Variants in LCN8 observed in about 807,000 individuals in gnomAD.
LCN8 encodes lipocalin 8.
LCN8 carries 16 observed loss-of-function variants against 22.8 expected under a neutral mutation model. The ratio of observed to expected loss-of-function variants is 0.70; its 90% CI spans 0.47 to 1.06. The LOEUF (loss-of-function observed/expected upper bound fraction) is 1.06, where lower values mean the gene tolerates loss of function less well. Ranked by LOEUF, LCN8 falls within the 50% of genes least tolerant of loss-of-function variation. LCN8 has a pLI of 0.00. For missense variants in LCN8, 189 were observed against 203.3 expected (o/e 0.93, Z 0.43); for synonymous variants, 92 against 83.4 (o/e 1.10, Z -0.56).
Position 136,758,099 on chromosome 9 carries a change from G to A in LCN8, c.-169C>T, listed in dbSNP as rs1777505554. 1 of 1,467,434 alleles carries A rather than the reference G, an allele frequency of 6.8e-7. No homozygotes were observed. The highest frequency in any genetic ancestry group is 9.0e-7 in the Non-Finnish European group (1 of 1,108,140). The allele number at this position is 1,467,434 out of a possible 1,614,324, so 90.9% of individuals were successfully genotyped here. A position where few individuals can be genotyped will look rare whatever the true frequency, so the allele number is the denominator to read the frequency against. On this transcript the variant is annotated 5_prime_UTR_variant, in exon 1 of 7. Transcript: ENST00000371688. ...CCCACCCGGGAATGTCATCAGGACA[G>A]CTTGGCTGCTGGCAGCTCAGAGACG...
chr9:136,755,334 C>A lies in LCN8; in HGVS notation c.332-1G>T. The A allele has an allele frequency of 6.2e-7, 1 of 1,609,872 alleles. No individual in the cohort carries two copies. Among genetic ancestry groups the A allele is most frequent in the Non-Finnish European group, 8.5e-7 (1 of 1,179,968 alleles). ...CGGTCCTTGTCCTCAAGGCTCCGAG[C>A]TGTGGGGCACAGGGGGGCTGGGCGG... On this transcript the variant is annotated splice_acceptor_variant, in intron 4 of 6. Transcript: ENST00000371688. LOFTEE classifies it high-confidence loss of function.
intron 2 of LCN8, 95 bp from the exon 3 acceptor site, chr9:136,756,687 A>G (rs953417554): frequency 3.8e-5 from 59 of 1,540,626 alleles, no homozygotes; most frequent in Admixed American, 5.3e-5. Context: ...TAGGAAGGGC[A>G]CAGGCAGCAC....
intron 3 of LCN8, 70 bp from the exon 4 acceptor site, chr9:136,755,586 G>T: frequency 6.4e-7 from 1 of 1,550,422 alleles, no homozygotes; most frequent in South Asian, 1.2e-5. Context: ...AGGGTCTGCA[G>T]GGTCTAACTC....
rs768667904 is a variant in LCN8, at chr9:136,757,914, C to A, written c.17G>T (p.Arg6Leu). The change falls in exon 1 of 7, where the codon CGG becomes CTG. Residue 6 changes from arginine to leucine, a missense_variant. By Grantham distance (102) the Arg-to-Leu change is moderately radical (BLOSUM62 -2). Coordinates refer to ENST00000371688, the MANE Select transcript of LCN8 (RefSeq NM_178469.4). MEELDRQKIGGFWREV... is the reference protein window; with the variant it reads MEELDLQKIGGFWREV... ...CTAAGAAGGAGAAGCCACCTTCTGC[C>A]GGTCCAGCTCCTCCATGGCTGCTGC... The A allele has an allele frequency of 1.7e-5, 27 of 1,613,740 alleles. No homozygotes were observed. The South Asian group carries it at 2.5e-4, about 15-fold the overall frequency.
upstream of LCN8, chr9:136,758,407 T>G: frequency 1.0e-6 from 1 of 1,000,490 alleles, no homozygotes; most frequent in Non-Finnish European, 1.2e-6. Context: ...TCCAGCACTT[T>G]CCTGTGCCAC....
chr9:136,754,641 G>A lies in LCN8; in HGVS notation c.448-132C>T, dbSNP rs939153419. 3.3e-5 allele frequency: 48 copies of A among 1,445,240 alleles called. No homozygotes were observed. The African/African-American group carries it at 3.6e-4, about 11-fold the overall frequency. 89.5% of individuals were successfully genotyped at this position (1,445,240 alleles called of 1,614,324 possible). A position where few individuals can be genotyped will look rare whatever the true frequency, so the allele number is the denominator to read the frequency against. ...GCGCAAAGCACCCAGCTCCCTGAGC[G>A]CCTTCTCAATCTGCAAAATGGGGTA... On this transcript the variant is annotated intron_variant, in intron 6 of 6. Transcript: ENST00000371688.
At chr9:136,754,725 A>G (rs1847141778) in intron 6 of LCN8, 2 of 1,407,344 alleles carry the variant, frequency 1.4e-6, no homozygotes, top group South Asian at 1.6e-5. Flanking sequence ...GGGTTCTCGC[A>G]GTGCCCAACA....
In LCN8 at chr9:136,758,022, C is replaced by G; in HGVS notation, c.-92G>C. On this transcript the variant is annotated 5_prime_UTR_variant, in exon 1 of 7. Coordinates refer to ENST00000371688, the MANE Select transcript of LCN8 (RefSeq NM_178469.4). ...CGTGGCGGGGTCCGGGCTCCGGGTT[C>G]CCCTGCTGCACAGCCTGGGCCGATT... 6.4e-7 allele frequency: 1 copy of G among 1,567,148 alleles called. No individual in the cohort carries two copies. Among genetic ancestry groups the G allele is most frequent in the Non-Finnish European group, 8.6e-7 (1 of 1,158,682 alleles).
intron 3 of LCN8, chr9:136,755,813 A>ACGGTG: frequency 7.2e-7 from 1 of 1,394,782 alleles, no homozygotes. Context: ...AGCATGGGGA[A>ACGGTG]CAGTGCAGGG....
At chr9:136,756,396 G>T in intron 3 of LCN8, 126 bp downstream of exon 3, 1 of 1,603,160 alleles carries the variant, frequency 6.2e-7, no homozygotes, top group Non-Finnish European at 8.5e-7. Context: ...ACAGTGCAGG[G>T]AACAGCACAG....
At position 136,757,216 on chromosome 9, in the gene LCN8, C is replaced by A. The variant is rs767732942; in HGVS notation, c.25-48G>T. On this transcript the variant is annotated intron_variant, in intron 1 of 6. Coordinates refer to ENST00000371688, the MANE Select transcript of LCN8 (RefSeq NM_178469.4). Reference sequence around the variant, plus strand: ...CAAGAGCTGAGCAGTGGGTCTGAGACCCCCAGGGGCATTCCACGAACCCCC... The same window carrying A: ...CAAGAGCTGAGCAGTGGGTCTGAGAACCCCAGGGGCATTCCACGAACCCCC... The A allele has an allele frequency of 2.5e-6, 4 of 1,589,230 alleles. No homozygotes were observed. In the South Asian group the frequency reaches 4.5e-5, roughly 18 times the overall value.
Position 136,758,086 on chromosome 9 carries a change from T to C in LCN8, c.-156A>G. ...GCAGGCTTGTGCGCCCACCCGGGAA[T>C]GTCATCAGGACAGCTTGGCTGCTGG... On this transcript the variant is annotated 5_prime_UTR_variant, in exon 1 of 7. Coordinates refer to ENST00000371688, the MANE Select transcript of LCN8 (RefSeq NM_178469.4). 6.7e-7 allele frequency: 1 copy of C among 1,486,430 alleles called. No individual in the cohort carries two copies. The highest frequency in any genetic ancestry group is 1.3e-5 in the South Asian group (1 of 78,068). 92.1% of individuals were successfully genotyped at this position (1,486,430 alleles called of 1,614,324 possible).
rs113523961 is a variant in LCN8, at chr9:136,757,241, C to T, written c.25-73G>A. The T allele has an allele frequency of 2.1e-3, 3,257 of 1,557,416 alleles. 44 individuals are homozygous for T. In the African/African-American group the frequency reaches 0.038, roughly 18 times the overall value. Reference sequence around the variant, plus strand: ...CCCCCAGGGGCATTCCACGAACCCCCGGGCAGGGGCCTGCTGGGCTCTGAG... The same window carrying T: ...CCCCCAGGGGCATTCCACGAACCCCTGGGCAGGGGCCTGCTGGGCTCTGAG... On this transcript the variant is annotated intron_variant, in intron 1 of 6. Coordinates refer to ENST00000371688, the MANE Select transcript of LCN8 (RefSeq NM_178469.4).
upstream of LCN8, chr9:136,758,455 T>C: frequency 1.0e-6 from 1 of 992,226 alleles, no homozygotes; most frequent in Non-Finnish European, 1.2e-6. Context: ...CCAGACGCAG[T>C]GGGCAGTCAG....
chr9:136,757,638 C>A, intron 1 of LCN8: 1 of 1,419,340 alleles, frequency 7.0e-7, no homozygotes, highest in South Asian at 1.5e-5. Context: ...CGCCCAGAGC[C>A]GGGACTTCCG....
chr9:136,757,389 C>A, intron 1 of LCN8: 1 of 1,424,712 alleles, frequency 7.0e-7, no homozygotes, highest in Middle Eastern at 2.6e-4. Flanking sequence ...GCCCACAGGG[C>A]AGCCCCTCCC....
At chr9:136,756,347 G>T (rs757471943) in intron 3 of LCN8, 175 bp downstream of exon 3, 1 of 1,562,898 alleles carries the variant, frequency 6.4e-7, no homozygotes, top group Non-Finnish European at 8.6e-7. Flanking sequence ...AACAACATGG[G>T]GAACAGCACA....
Position 136,754,473 on chromosome 9 carries a change from C to T in LCN8, c.*25G>A. ...GCAGGGGTGGGCGGGCGCTCCGAAC[C>T]TTGTGGTCTGAGGCAGGAACTCCAT... On this transcript the variant is annotated 3_prime_UTR_variant, in exon 7 of 7. Coordinates refer to ENST00000371688, the MANE Select transcript of LCN8 (RefSeq NM_178469.4). 6.4e-7 allele frequency: 1 copy of T among 1,557,124 alleles called. No homozygotes were observed. Among genetic ancestry groups the T allele is most frequent in the Non-Finnish European group, 8.7e-7 (1 of 1,150,080 alleles).
rs556399593 is a variant in LCN8 at position 136,755,250 on chromosome 9, G to C, written c.415C>G (p.Arg139Gly). 2.2e-5 allele frequency: 36 copies of C among 1,612,624 alleles called. No individual in the cohort carries two copies. In the African/African-American group the frequency reaches 4.5e-4, roughly 20 times the overall value. The stretch of plus-strand genomic sequence containing the variant: ...CCAAGGCCCCTGGGCTCACCAGGCC[G>C]GGCCGCCAGGTAGAGACCAGTGTCT... ...TADTGLYLAARPGRCAELLKE... is the reference protein window; with the variant it reads ...TADTGLYLAAGPGRCAELLKE... Residue 139 changes from arginine (R) to glycine (G), a missense_variant, in exon 5 of 7, where the codon CGG (arginine) becomes GGG (glycine). Arg to Gly is a moderately radical substitution (Grantham distance 125, BLOSUM62 -2). Coordinates refer to ENST00000371688, the MANE Select transcript of LCN8 (RefSeq NM_178469.4).
Sources: gnomAD v4.1 joint callset for allele counts on GRCh38, gnomAD v4.1.1 for gene constraint, MANE v1.5 for transcripts, NCBI Gene and HGNC (gene_info 2026-07-23, HGNC 2026-07-21) for gene names.